Variants in CALN1 observed in about 807,000 individuals in gnomAD.
The protein encoded by CALN1 is calcium-binding protein 8.
A neutral mutation model predicts 30.6 loss-of-function variants in CALN1; 17 were observed. The ratio of observed to expected loss-of-function variants is 0.56; its 90% CI spans 0.38 to 0.83. The LOEUF (loss-of-function observed/expected upper bound fraction) is 0.83, where lower values mean the gene tolerates loss of function less well. Among genes scored for constraint, CALN1 ranks in the 40% least tolerant of loss-of-function variants. CALN1 has a pLI of 0.00. For missense variants in CALN1, 291 were observed against 354.9 expected (o/e 0.82, Z 1.45); for synonymous variants, 156 against 131.4 (o/e 1.19, Z -1.28).
chr7:72,316,171 A>AG (rs397775126), intron 2 of CALN1, among the ~76,000 whole-genome samples: 1 of 150,966 alleles, frequency 6.6e-6, no homozygotes, highest in African/African-American at 2.4e-5. Flanking sequence ...AAGAAAAAAA[A>AG]GAATTTGTCC....
intron 3 of CALN1, among the ~76,000 whole-genome samples, chr7:72,191,131 G>A (rs770251638): frequency 2.6e-5 from 4 of 152,162 alleles, no homozygotes; most frequent in Admixed American, 6.5e-5. Flanking sequence ...ATTACAACCC[G>A]CTGTAATGAA....
At chr7:72,314,112 GTGAGGTGTCGGTCGAC>G (rs1439194491) in intron 2 of CALN1, among the ~76,000 whole-genome samples, 4 of 152,168 alleles carry the variant, frequency 2.6e-5, no homozygotes, top group Non-Finnish European at 5.9e-5. Context: ...CAGGGCTGGA[GTGAGGTGTCGGTCGAC>G]TGAGGGCAAG....
chr7:72,236,991 T>A (rs1003704164), intron 3 of CALN1, among the ~76,000 whole-genome samples: 5 of 151,770 alleles, frequency 3.3e-5, no homozygotes, highest in South Asian at 4.2e-4. Flanking sequence ...TATTTTTATT[T>A]TTTTTTTTTT....
chr7:71,881,141 T>C (rs1417608659), intron 5 of CALN1, among the ~76,000 whole-genome samples: 1 of 152,192 alleles, frequency 6.6e-6, no homozygotes, highest in Admixed American at 6.5e-5. Context: ...AGACTCCAAA[T>C]TCTTCAGCTT....
intron 5 of CALN1, among the ~76,000 whole-genome samples, chr7:71,963,879 T>G (rs529899915): frequency 1.2e-4 from 18 of 152,326 alleles, no homozygotes; most frequent in Non-Finnish European, 2.1e-4. Flanking sequence ...TCATCTAACA[T>G]AAGAGGTAAA....
chr7:72,184,195 G>A (rs976545782), intron 3 of CALN1, among the ~76,000 whole-genome samples: 4 of 152,108 alleles, frequency 2.6e-5, no homozygotes, highest in East Asian at 1.9e-4. Context: ...TTCAATCGTC[G>A]TCTTCGAATA....
intron 5 of CALN1, among the ~76,000 whole-genome samples, chr7:71,873,247 ATCTG>A (rs1402599398): frequency 1.3e-5 from 2 of 152,026 alleles, no homozygotes; most frequent in Admixed American, 6.6e-5. Flanking sequence ...ACCTCAGGTA[ATCTG>A]TCTGTCTCAG....
At chr7:71,810,786 A>G (rs1787903220) in intron 5 of CALN1, among the ~76,000 whole-genome samples, 1 of 152,172 alleles carries the variant, frequency 6.6e-6, no homozygotes, top group South Asian at 2.1e-4. Flanking sequence ...TCAACCCTGC[A>G]TACTTTGTGT....
At chr7:72,352,953 A>C (rs1445413143) in intron 2 of CALN1, among the ~76,000 whole-genome samples, 1 of 152,238 alleles carries the variant, frequency 6.6e-6, no homozygotes, top group East Asian at 1.9e-4. Flanking sequence ...AGGGAATATT[A>C]TAAAGCAATG....
At chr7:72,315,320 T>G (rs945893064) in intron 2 of CALN1, among the ~76,000 whole-genome samples, 9 of 152,082 alleles carry the variant, frequency 5.9e-5, no homozygotes, top group African/African-American at 2.2e-4. Context: ...TGAACAGACA[T>G]AAAACATCAA....
chr7:71,849,436 A>ATTT lies in CALN1; in HGVS notation c.502-38947_502-38945dup, dbSNP rs3063933. Among the ~76,000 whole-genome samples the ATTT allele has an allele frequency of 9.0e-3, 1,263 of 140,250 alleles. 10 individuals are homozygous for ATTT. The highest frequency in any genetic ancestry group is 0.03 in the South Asian group (133 of 4,480). 92.0% of individuals were successfully genotyped at this position (140,250 alleles called of 152,430 possible). A position where few individuals can be genotyped will look rare whatever the true frequency, so the allele number is the denominator to read the frequency against. ...TTCTTTTTCAATCTTGGATCTTCCTATTTTTTTTTTTTTTTGCCACATGTA... is the reference window on the plus strand; with the variant it reads ...TTCTTTTTCAATCTTGGATCTTCCTATTTTTTTTTTTTTTTTTTGCCACATGTA... On this transcript the variant is annotated intron_variant, in intron 5 of 6. Coordinates refer to ENST00000395275, the MANE Select transcript of CALN1 (RefSeq NM_031468.4).
At chr7:72,363,724 C>CTTTT (rs66989275) in intron 2 of CALN1, among the ~76,000 whole-genome samples, 6 of 111,846 alleles carry the variant, frequency 5.4e-5, no homozygotes, top group South Asian at 3.0e-4. Flanking sequence ...TTAAAAAAAA[C>CTTTT]TTTTTTTTTT....
chr7:71,795,054 C>T (rs1221411461), intron 6 of CALN1, among the ~76,000 whole-genome samples: 1 of 151,944 alleles, frequency 6.6e-6, no homozygotes, highest in Non-Finnish European at 1.5e-5. Context: ...GATGGAGTCT[C>T]ACTCTGTTGC....
chr7:71,994,446 A>C (rs544957921), intron 5 of CALN1, among the ~76,000 whole-genome samples: 1 of 137,000 alleles, frequency 7.3e-6, no homozygotes, highest in East Asian at 2.6e-4. Flanking sequence ...TGGGAGGCAG[A>C]GGTTGCCGTG....
intron 5 of CALN1, among the ~76,000 whole-genome samples, chr7:71,969,687 G>C (rs999535852): frequency 2.6e-5 from 4 of 152,188 alleles, no homozygotes; most frequent in Admixed American, 1.3e-4. Context: ...TTATCCCGGA[G>C]AAGAGAAAGA....
intron 2 of CALN1, chr7:72,336,744 G>C (rs997375071): frequency 4.8e-4 from 474 of 985,144 alleles, no homozygotes; most frequent in Non-Finnish European, 5.5e-4. Context: ...CAGCCGAGGC[G>C]CCTCCGCACA....
At chr7:72,221,918 G>A (rs1793333050) in intron 3 of CALN1, among the ~76,000 whole-genome samples, 1 of 151,708 alleles carries the variant, frequency 6.6e-6, no homozygotes, top group African/African-American at 2.4e-5. Context: ...CCTGAGACTG[G>A]GTAACCTATA....
intron 3 of CALN1, among the ~76,000 whole-genome samples, chr7:72,271,843 C>T (rs1252260270): frequency 1.3e-5 from 2 of 151,468 alleles, no homozygotes; most frequent in African/African-American, 4.9e-5. Flanking sequence ...AGGCAGATCA[C>T]CTGAGGTCAG....
intron 2 of CALN1, among the ~76,000 whole-genome samples, chr7:72,391,548 T>C (rs1404512846): frequency 6.6e-6 from 1 of 152,136 alleles, no homozygotes; most frequent in Non-Finnish European, 1.5e-5. Context: ...CCAAATCTCA[T>C]CTTGAATTGT....
Sources: allele counts gnomAD v4.1 joint callset (sites outside exome capture counted in the v4.1 genomes callset), GRCh38; gene constraint gnomAD v4.1.1; transcripts MANE v1.5; gene names NCBI Gene and HGNC (gene_info 2026-07-23, HGNC 2026-07-21).